Variants in LCE1E observed in about 807,000 individuals in gnomAD.
LCE1E encodes the protein late cornified envelope protein 1E.
For missense variants in LCE1E, 144 were observed against 144.3 expected, an observed-to-expected ratio of 1.00 and a Z score of 0.01; for synonymous variants, 61 against 55.0, an observed-to-expected ratio of 1.11 and a Z score of -0.48.
At position 152,787,551 on chromosome 1, in the gene LCE1E, G is replaced by A. The variant is rs771555027; in HGVS notation, c.252G>A (p.Arg84=). The change falls in exon 2 of 2, where the codon AGG becomes AGA. Residue 84 remains arginine, a synonymous_variant. Coordinates refer to ENST00000368770, the MANE Select transcript of LCE1E (RefSeq NM_178353.2). ...GCCLSHHRHH[R]SHRHRPQSSD... is the part of the protein sequence containing the mutation. Reference sequence around the variant, plus strand: ...GCCTGAGCCACCACAGGCACCACAGGTCCCACCGTCACAGACCCCAGAGCT... The same window carrying A: ...GCCTGAGCCACCACAGGCACCACAGATCCCACCGTCACAGACCCCAGAGCT... The A allele has an allele frequency of 3.1e-6, 5 of 1,610,198 alleles. No homozygotes were observed. In the South Asian group the frequency reaches 3.3e-5, roughly 11 times the overall value.
chr1:152,786,727 C>T (rs1487505426), intron 1 of LCE1E, among the ~76,000 whole-genome samples: 1 of 152,152 alleles, frequency 6.6e-6, no homozygotes, highest in Non-Finnish European at 1.5e-5. Context: ...CATGCCCACC[C>T]ATCAGCCTGA....
chr1:152,786,601 G>A (rs1394477699), intron 1 of LCE1E, among the ~76,000 whole-genome samples: 1 of 151,638 alleles, frequency 6.6e-6, no homozygotes, highest in Non-Finnish European at 1.5e-5. Flanking sequence ...AAGAGCTGGA[G>A]CCATGGACAG....
At chr1:152,787,171 G>A in intron 1 of LCE1E, 107 bp from the exon 2 acceptor site, 2 of 1,069,684 alleles carry the variant, frequency 1.9e-6, no homozygotes, top group Non-Finnish European at 2.8e-6. Flanking sequence ...TATTGGAAGT[G>A]AAACTACTGG....
chr1:152,786,895 T>C (rs1651862657), intron 1 of LCE1E, among the ~76,000 whole-genome samples: 1 of 152,224 alleles, frequency 6.6e-6, no homozygotes, highest in South Asian at 2.1e-4. Flanking sequence ...AGTATGGATA[T>C]TGCAGAGTAA....
chr1:152,786,450 T>G (rs1321558935), intron 1 of LCE1E, 143 bp downstream of exon 1: 1 of 152,434 alleles, frequency 6.6e-6, no homozygotes, highest in Non-Finnish European at 1.5e-5. Flanking sequence ...GCTGTGCCTT[T>G]GGGCTCCAAA....
rs768179430 is a variant in LCE1E at position 152,787,476 on chromosome 1, C to T, written c.177C>T (p.Ser59=). The stretch of plus-strand genomic sequence containing the variant: ...GCTGTGGCTCCAGCTCTGGGGGCAG[C>T]TGTGGCTCCAGCTCTGGGGGCTGCT... ...GGCCGSSSGG[S]CGSSSGGCCS... is the part of the protein sequence containing the mutation. The change falls in exon 2 of 2, where the codon AGC becomes AGT. Residue 59 remains serine (S), a synonymous_variant. Transcript: ENST00000368770. 1.2e-6 allele frequency: 2 copies of T among 1,613,848 alleles called. No homozygotes were observed. Among genetic ancestry groups the T allele is most frequent in the Admixed American group, 1.7e-5 (1 of 60,022 alleles).
Position 152,787,433 on chromosome 1 carries a change from G to A in LCE1E, c.134G>A (p.Ser45Asn). The A allele has an allele frequency of 6.2e-7, 1 of 1,614,074 alleles. No homozygotes were observed. The highest frequency in any genetic ancestry group is 1.3e-5 in the African/African-American group (1 of 75,004). ...PKCPPVSSCCSVSSGGCCGSS... is the reference protein window; with the variant it reads ...PKCPPVSSCCNVSSGGCCGSS... ...TGCCCTCCAGTCTCTTCCTGCTGCAGTGTCAGCTCCGGAGGCTGCTGTGGC... is the reference window on the plus strand; with the variant it reads ...TGCCCTCCAGTCTCTTCCTGCTGCAATGTCAGCTCCGGAGGCTGCTGTGGC... Residue 45 changes from serine (S) to asparagine (N), a missense_variant, in exon 2 of 2, where the codon AGT becomes AAT. Transcript: ENST00000368770.
chr1:152,787,207 C>T, intron 1 of LCE1E, 71 bp from the exon 2 acceptor site: 1 of 1,347,814 alleles, frequency 7.4e-7, no homozygotes, highest in Non-Finnish European at 1.0e-6. Context: ...AATTACAAGT[C>T]ATGCTAAGAG....
intron 1 of LCE1E, 31 bp from the exon 2 acceptor site, chr1:152,787,247 A>G (rs1173233378): frequency 1.6e-5 from 26 of 1,600,876 alleles, no homozygotes; most frequent in Non-Finnish European, 1.8e-5. Context: ...GCCTCTGCCT[A>G]GGTCTGATTT....
At chr1:152,786,987 TA>T (rs1651864685) in intron 1 of LCE1E, among the ~76,000 whole-genome samples, 2 of 152,220 alleles carry the variant, frequency 1.3e-5, no homozygotes, top group Non-Finnish European at 2.9e-5. Context: ...ATAAATCATA[TA>T]ATTTCAGGGT....
chr1:152,787,448 G>T lies in LCE1E; in HGVS notation c.149G>T (p.Gly50Val), dbSNP rs748166874. 1.9e-6 allele frequency: 3 copies of T among 1,614,028 alleles called. No individual in the cohort carries two copies. The highest frequency in any genetic ancestry group is 2.5e-6 in the Non-Finnish European group (3 of 1,179,994). Residue 50 changes from glycine to valine, a missense_variant, in exon 2 of 2, where the codon GGC (glycine) becomes GTC (valine). Coordinates refer to ENST00000368770, the MANE Select transcript of LCE1E (RefSeq NM_178353.2). Reference protein sequence around the residue: ...VSSCCSVSSGGCCGSSSGGSC... With the variant: ...VSSCCSVSSGVCCGSSSGGSC... ...TCCTGCTGCAGTGTCAGCTCCGGAGGCTGCTGTGGCTCCAGCTCTGGGGGC... is the reference window on the plus strand; with the variant it reads ...TCCTGCTGCAGTGTCAGCTCCGGAGTCTGCTGTGGCTCCAGCTCTGGGGGC...
chr1:152,787,163 T>C, intron 1 of LCE1E, 115 bp from the exon 2 acceptor site: 2 of 988,346 alleles, frequency 2.0e-6, no homozygotes, highest in Non-Finnish European at 3.1e-6. Flanking sequence ...GGGGAAAGTA[T>C]TGGAAGTGAA....
At position 152,787,535 on chromosome 1, in the gene LCE1E, A is replaced by C; in HGVS notation, c.236A>C (p.His79Pro). 1.2e-6 allele frequency: 2 copies of C among 1,613,472 alleles called. No individual in the cohort carries two copies. The highest frequency in any genetic ancestry group is 1.7e-6 in the Non-Finnish European group (2 of 1,179,936). ...GGGGGAGGTGGCTGCTGCCTGAGCC[A>C]CCACAGGCACCACAGGTCCCACCGT... ...SSGGGGCCLS[H>P]HRHHRSHRHR... The change falls in exon 2 of 2, where the codon CAC (histidine) becomes CCC (proline). Residue 79 changes from histidine to proline, a missense_variant. Transcript: ENST00000368770.
chr1:152,787,869 G>T lies in LCE1E; in HGVS notation c.*213G>T, dbSNP rs55789987. 3.3e-5 allele frequency: 21 copies of T among 627,144 alleles called. No individual in the cohort carries two copies. Among genetic ancestry groups the T allele is most frequent in the Non-Finnish European group, 5.9e-5 (21 of 357,774 alleles). 38.8% of individuals were successfully genotyped at this position (627,144 alleles called of 1,614,324 possible). A position where few individuals can be genotyped will look rare whatever the true frequency, so the allele number is the denominator to read the frequency against. Reference sequence around the variant, plus strand: ...ACCTACTTCCTCCCCAGCTCACGCTGCTGTATTCTGTGCTGCCTGAACTGA... The same window carrying T: ...ACCTACTTCCTCCCCAGCTCACGCTTCTGTATTCTGTGCTGCCTGAACTGA... On this transcript the variant is annotated 3_prime_UTR_variant, in exon 2 of 2. Transcript: ENST00000368770.
chr1:152,788,375 G>A lies in LCE1E; in HGVS notation c.*719G>A, dbSNP rs1411035918. ...GTAAAAAAATTAAATCACATTTAGT[G>A]CTGTATAATTTGCATGCAATAAAAT... On this transcript the variant is annotated 3_prime_UTR_variant, in exon 2 of 2. Transcript: ENST00000368770. 1 of 147,312 alleles carries A rather than the reference G, an allele frequency of 6.8e-6. No homozygotes were observed. The highest frequency in any genetic ancestry group is 1.7e-5 in the Non-Finnish European group (1 of 59,236). The allele number at this position is 147,312 out of a possible 1,614,324, so 9.1% of individuals were successfully genotyped here. A position where few individuals can be genotyped will look rare whatever the true frequency, so the allele number is the denominator to read the frequency against.
At position 152,787,394 on chromosome 1, in the gene LCE1E, A is replaced by G; in HGVS notation, c.95A>G (p.Lys32Arg). Reference protein sequence around the residue: ...PKCPTPKCPPKCPPKCPPVSS... With the variant: ...PKCPTPKCPPRCPPKCPPVSS... ...TGTCCCACCCCCAAATGCCCTCCAA[A>G]GTGTCCCCCTAAGTGCCCTCCAGTC... is the stretch of plus-strand genomic sequence containing the variant. Residue 32 changes from lysine (K) to arginine (R), a missense_variant, in exon 2 of 2, where the codon AAG becomes AGG. Transcript: ENST00000368770. 3 of 1,614,032 alleles carry G rather than the reference A, an allele frequency of 1.9e-6. No homozygotes were observed. The highest frequency in any genetic ancestry group is 2.5e-6 in the Non-Finnish European group (3 of 1,179,994).
chr1:152,787,271 C>T lies in LCE1E; in HGVS notation c.-22-7C>T, dbSNP rs1651872560. 15 of 1,612,592 alleles carry T rather than the reference C, an allele frequency of 9.3e-6. No homozygotes were observed. The highest frequency in any genetic ancestry group is 1.3e-5 in the African/African-American group (1 of 75,018). The stretch of plus-strand genomic sequence containing the variant: ...TAGGTCTGATTTTCTGTCTGACTCT[C>T]CCTCAGCTCCTAAGTACCTACTGCC... On this transcript the variant is annotated splice_region_variant and splice_polypyrimidine_tract_variant and intron_variant, in intron 1 of 1. Transcript: ENST00000368770.
rs1270026864 is a variant in LCE1E at position 152,788,086 on chromosome 1, T to G, written c.*430T>G. ...TTTTGTGTTTTTTCTTCTTTCGGTG[T>G]TTTCCTTTTAAACCAAGGGACTGAA... On this transcript the variant is annotated 3_prime_UTR_variant, in exon 2 of 2. Coordinates refer to ENST00000368770, the MANE Select transcript of LCE1E (RefSeq NM_178353.2). The G allele has an allele frequency of 6.2e-6, 1 of 160,826 alleles. No individual in the cohort carries two copies. The highest frequency in any genetic ancestry group is 1.5e-5 in the Non-Finnish European group (1 of 65,836). The allele number at this position is 160,826 out of a possible 1,614,324, so 10.0% of individuals were successfully genotyped here.
At position 152,787,857 on chromosome 1, in the gene LCE1E, C is replaced by T; in HGVS notation, c.*201C>T. On this transcript the variant is annotated 3_prime_UTR_variant, in exon 2 of 2. Coordinates refer to ENST00000368770, the MANE Select transcript of LCE1E (RefSeq NM_178353.2). ...TCCAAAGCACACACCTACTTCCTCC[C>T]CAGCTCACGCTGCTGTATTCTGTGC... The T allele has an allele frequency of 1.6e-6, 1 of 640,076 alleles. No individual in the cohort carries two copies. Among genetic ancestry groups the T allele is most frequent in the Non-Finnish European group, 2.7e-6 (1 of 367,328 alleles). The allele number at this position is 640,076 out of a possible 1,614,324, so 39.6% of individuals were successfully genotyped here. A position where few individuals can be genotyped will look rare whatever the true frequency, so the allele number is the denominator to read the frequency against.
Sources: gnomAD v4.1 joint callset for allele counts (sites outside exome capture counted in the v4.1 genomes callset) on GRCh38, gnomAD v4.1.1 for gene constraint, MANE v1.5 for transcripts, NCBI Gene and HGNC (gene_info 2026-07-23, HGNC 2026-07-21) for gene names.